Variants in RGS17 observed in about 807,000 individuals in gnomAD.
RGS17 encodes the protein regulator of G-protein signaling 17.
A neutral mutation model predicts 25.5 loss-of-function variants in RGS17; 12 were observed. The ratio of observed to expected loss-of-function variants is 0.47; its 90% CI spans 0.30 to 0.76. RGS17 has a LOEUF of 0.76. Among genes scored for constraint, RGS17 ranks in the 30% least tolerant of loss-of-function variants. RGS17 has a pLI of 0.07. For missense variants in RGS17, 196 were observed against 242.2 expected, an observed-to-expected ratio of 0.81 and a Z score of 1.27; for synonymous variants, 71 against 76.9, an observed-to-expected ratio of 0.92 and a Z score of 0.40.
At chr6:153,017,040 G>T in intron 4 of RGS17, among the ~76,000 whole-genome samples, 1 of 152,200 alleles carries the variant, frequency 6.6e-6, no homozygotes, top group East Asian at 1.9e-4. Flanking sequence ...CTATCCTCGG[G>T]CAATGCATGT....
At chr6:153,051,320 T>C (rs1048636683) in intron 1 of RGS17, among the ~76,000 whole-genome samples, 1 of 152,172 alleles carries the variant, frequency 6.6e-6, no homozygotes, top group African/African-American at 2.4e-5. Flanking sequence ...GTGATTTGGT[T>C]AGGGCTCAGA....
At position 153,009,014 on chromosome 6, in the gene RGS17, A is replaced by T; in HGVS notation, c.*2560T>A. On this transcript the variant is annotated 3_prime_UTR_variant, in exon 5 of 5. Transcript: ENST00000206262. ...ATCTGATGTGTAAATCTGCTCTCGA[A>T]TCTTTTTTAACTCAACTTCCTCATC... 6.6e-6 allele frequency: 1 copy of T among 152,184 alleles called. No individual in the cohort carries two copies. Among genetic ancestry groups the T allele is most frequent in the East Asian group, 1.9e-4 (1 of 5,206 alleles). 9.4% of individuals were successfully genotyped at this position (152,184 alleles called of 1,614,324 possible).
chr6:153,103,923 G>T lies in RGS17; in HGVS notation c.-26+27201C>A, dbSNP rs568245059. Among the ~76,000 whole-genome samples, 10 of 152,250 alleles carry T rather than the reference G, an allele frequency of 6.6e-5. No individual in the cohort carries two copies. In the East Asian group the frequency reaches 1.9e-3, roughly 29 times the overall value. On this transcript the variant is annotated intron_variant, in intron 1 of 4. Coordinates refer to ENST00000206262, the MANE Select transcript of RGS17 (RefSeq NM_012419.5). ...TTACCATCCAGCTTCACATATAAAA[G>T]CTTTGAAGAGGATACCACATCTTAT...
intron 1 of RGS17, among the ~76,000 whole-genome samples, chr6:153,089,683 T>C (rs1206924007): frequency 1.3e-5 from 2 of 152,162 alleles, no homozygotes; most frequent in East Asian, 3.8e-4. Flanking sequence ...TTCTCTGCTA[T>C]CACTGCATAT....
intron 1 of RGS17, among the ~76,000 whole-genome samples, chr6:153,054,092 T>TTATATATATA (rs1199437911): frequency 2.6e-4 from 11 of 42,092 alleles, no homozygotes; most frequent in South Asian, 1.1e-3. Context: ...ACAATATTTT[T>TTATATATATA]TATATATATA....
chr6:153,020,112 ATATATATATAT>A lies in RGS17; in HGVS notation c.444+4139_444+4149del, dbSNP rs1324437462. Among the ~76,000 whole-genome samples, 32 of 36,084 alleles carry A rather than the reference ATATATATATAT, an allele frequency of 8.9e-4. 1 individual carries two copies. Among genetic ancestry groups the A allele is most frequent in the African/African-American group, 3.0e-3 (32 of 10,692 alleles). The allele number at this position is 36,084 out of a possible 152,430, so 23.7% of individuals were successfully genotyped here. A position where few individuals can be genotyped will look rare whatever the true frequency, so the allele number is the denominator to read the frequency against. ...ATTGCAAATATCTTAAAAAAAAAAA[ATATATATATAT>A]ATATATATATATATATTTTTTTTTT... On this transcript the variant is annotated intron_variant, in intron 4 of 4. Coordinates refer to ENST00000206262, the MANE Select transcript of RGS17 (RefSeq NM_012419.5).
At chr6:153,101,625 T>A (rs1197097026) in intron 1 of RGS17, among the ~76,000 whole-genome samples, 1 of 152,110 alleles carries the variant, frequency 6.6e-6, no homozygotes, top group Non-Finnish European at 1.5e-5. Context: ...TGGCTCTGCG[T>A]CCCCACCCAA....
At chr6:153,053,222 T>A (rs933093679) in intron 1 of RGS17, among the ~76,000 whole-genome samples, 15 of 152,242 alleles carry the variant, frequency 9.9e-5, no homozygotes, top group Admixed American at 1.3e-4. Flanking sequence ...CTTAGATCTA[T>A]ATGAATCAAC....
At chr6:153,089,148 C>T (rs1181528108) in intron 1 of RGS17, among the ~76,000 whole-genome samples, 2 of 151,536 alleles carry the variant, frequency 1.3e-5, no homozygotes, top group Non-Finnish European at 2.9e-5. Flanking sequence ...CACAATGGTA[C>T]ACTTTTTTTT....
intron 1 of RGS17, among the ~76,000 whole-genome samples, chr6:153,049,056 A>G (rs1184031740): frequency 6.6e-6 from 1 of 152,222 alleles, no homozygotes; most frequent in Admixed American, 6.5e-5. Context: ...AAAATTATTA[A>G]TTTTGCAGCC....
At chr6:153,126,947 ACAG>A (rs539758833) in intron 1 of RGS17, among the ~76,000 whole-genome samples, 127 of 152,226 alleles carry the variant, frequency 8.3e-4, no homozygotes, top group Admixed American at 1.4e-3. Flanking sequence ...AAGTTCTAAA[ACAG>A]CCATCCCAAC....
Position 153,043,938 on chromosome 6 carries a change from G to T in RGS17, c.81C>A (p.Thr27=), listed in dbSNP as rs772957945. 4 of 1,612,032 alleles carry T rather than the reference G, an allele frequency of 2.5e-6. No individual in the cohort carries two copies. The East Asian group carries it at 6.7e-5, about 27-fold the overall frequency. ...QAPGNQRPNN[T]CCFCWCCCCS... ...AACAACAGCACCAACAAAAGCAACA[G>T]GTGTTGTTGGGCCTCTGGTTTCCAG... Residue 27 remains threonine, a synonymous_variant, in exon 2 of 5, where the codon ACC becomes ACA. Transcript: ENST00000206262.
At chr6:153,049,093 T>A (rs1776426446) in intron 1 of RGS17, among the ~76,000 whole-genome samples, 1 of 152,050 alleles carries the variant, frequency 6.6e-6, no homozygotes, top group Non-Finnish European at 1.5e-5. Flanking sequence ...AAAAAATAAA[T>A]AAAAATTGGA....
At chr6:153,053,151 G>T (rs781566096) in intron 1 of RGS17, among the ~76,000 whole-genome samples, 16 of 152,170 alleles carry the variant, frequency 1.1e-4, no homozygotes, top group Non-Finnish European at 2.4e-4. Context: ...TTCCAGGAAT[G>T]AATTTTAAAA....
At chr6:153,068,309 T>C (rs1776738414) in intron 1 of RGS17, among the ~76,000 whole-genome samples, 1 of 151,944 alleles carries the variant, frequency 6.6e-6, no homozygotes. Flanking sequence ...TAGCTGGGCA[T>C]GGTGGTGCAT....
chr6:153,017,225 G>T (rs1315649374), intron 4 of RGS17, among the ~76,000 whole-genome samples: 2 of 151,864 alleles, frequency 1.3e-5, no homozygotes, highest in African/African-American at 4.8e-5. Flanking sequence ...TGAAAAGTCC[G>T]GCAATGTTGA....
At chr6:153,036,952 T>C (rs1776252552) in intron 2 of RGS17, among the ~76,000 whole-genome samples, 1 of 152,148 alleles carries the variant, frequency 6.6e-6, no homozygotes, top group African/African-American at 2.4e-5. Flanking sequence ...ATGGACTTTG[T>C]CCTCTCCTTA....
chr6:153,099,726 G>A (rs985312515), intron 1 of RGS17, among the ~76,000 whole-genome samples: 3 of 152,162 alleles, frequency 2.0e-5, no homozygotes, highest in Non-Finnish European at 2.9e-5. Context: ...GTAACTAAGC[G>A]TAAGCAGATT....
intron 1 of RGS17, among the ~76,000 whole-genome samples, chr6:153,102,713 G>A (rs908629595): frequency 4.6e-5 from 7 of 152,246 alleles, no homozygotes; most frequent in South Asian, 4.2e-4. Context: ...GCAGATCCTC[G>A]AATGTTTTTT....
Sources: gnomAD v4.1 joint callset for allele counts (sites outside exome capture counted in the v4.1 genomes callset) on GRCh38, gnomAD v4.1.1 for gene constraint, MANE v1.5 for transcripts, NCBI Gene and HGNC (gene_info 2026-07-23, HGNC 2026-07-21) for gene names.